The following MRC1 variants were observed in gnomAD, a reference collection of about 807,000 sequenced individuals.
The protein encoded by MRC1 is mannose receptor C-type 1.
MRC1 carries 62 observed loss-of-function variants against 102.9 expected under a neutral mutation model. The observed-to-expected ratio is 0.60, with a 90% CI of 0.49 to 0.74. The LOEUF is 0.74. MRC1 is among the 30% of genes least tolerant of loss of function. The pLI is 0.00. For missense variants in MRC1, 1,237 were observed against 862.8 expected (o/e 1.43, Z -5.43); for synonymous variants, 457 against 298.4 (o/e 1.53, Z -5.48).
At chr10:17,852,035 G>C (rs953706202) in intron 7 of MRC1, among the ~76,000 whole-genome samples, 8 of 152,314 alleles carry the variant, frequency 5.3e-5, no homozygotes, top group Non-Finnish European at 1.0e-4. Flanking sequence ...TCCCAGTCGT[G>C]TGAATTAGAT....
intron 3 of MRC1, among the ~76,000 whole-genome samples, chr10:17,830,185 G>T (rs1465463449): frequency 6.6e-6 from 1 of 151,316 alleles, no homozygotes; most frequent in Non-Finnish European, 1.5e-5. Context: ...AGACTGGAGT[G>T]CATTAGCATG....
intron 26 of MRC1, among the ~76,000 whole-genome samples, 177 bp from the exon 27 acceptor site, chr10:17,906,709 G>A (rs1015944506): frequency 2.6e-5 from 4 of 152,124 alleles, no homozygotes; most frequent in Admixed American, 6.5e-5. Context: ...GCTTAAAAAC[G>A]TATTTCAGAA....
At chr10:17,846,669 A>C (rs1166800590) in intron 6 of MRC1, among the ~76,000 whole-genome samples, 2 of 152,224 alleles carry the variant, frequency 1.3e-5, no homozygotes, top group East Asian at 3.8e-4. Context: ...TGTTTCATAC[A>C]AATGGCAGTA....
chr10:17,840,161 T>C (rs1838730089), intron 4 of MRC1, among the ~76,000 whole-genome samples: 1 of 151,818 alleles, frequency 6.6e-6, no homozygotes, highest in African/African-American at 2.4e-5. Flanking sequence ...GACTTCCACA[T>C]CAGTCCTAGA....
At chr10:17,813,791 G>A (rs1441125333) in intron 1 of MRC1, among the ~76,000 whole-genome samples, 3 of 150,538 alleles carry the variant, frequency 2.0e-5, no homozygotes, top group African/African-American at 7.3e-5. Flanking sequence ...TTGACTTCCC[G>A]GGGTCAAGTG....
intron 9 of MRC1, among the ~76,000 whole-genome samples, chr10:17,857,739 G>A (rs1480176576): frequency 2.6e-5 from 4 of 152,180 alleles, no homozygotes; most frequent in Admixed American, 1.3e-4. Context: ...AGATAATAAT[G>A]CAATTTTTTT....
intron 3 of MRC1, among the ~76,000 whole-genome samples, chr10:17,832,442 C>A (rs1838588981): frequency 6.7e-6 from 1 of 150,170 alleles, no homozygotes; most frequent in Non-Finnish European, 1.5e-5. Flanking sequence ...GTCGTCCCAG[C>A]TGCTGGGGAG....
chr10:17,818,161 T>G (rs1451908807), intron 1 of MRC1, among the ~76,000 whole-genome samples: 4 of 152,202 alleles, frequency 2.6e-5, no homozygotes, highest in Non-Finnish European at 5.9e-5. Context: ...AAATTGCTCT[T>G]CAGTAAAAAT....
intron 3 of MRC1, among the ~76,000 whole-genome samples, chr10:17,830,663 G>A (rs1359030585): frequency 1.3e-5 from 2 of 151,276 alleles, no homozygotes; most frequent in Non-Finnish European, 2.9e-5. Context: ...AGCATCAGTT[G>A]TGTTGGTTTA....
chr10:17,883,566 A>G (rs1291447213), intron 21 of MRC1, among the ~76,000 whole-genome samples: 1 of 152,150 alleles, frequency 6.6e-6, no homozygotes, highest in Non-Finnish European at 1.5e-5. Context: ...GCGTATAGCA[A>G]TGGAATTGCT....
At position 17,866,684 on chromosome 10, in the gene MRC1, C is replaced by T. The variant is rs534120422; in HGVS notation, c.1906C>T (p.Pro636Ser). The T allele has an allele frequency of 1.4e-5, 11 of 780,856 alleles. No homozygotes were observed. The highest frequency in any genetic ancestry group is 2.6e-5 in the Non-Finnish European group (11 of 417,966). 48.4% of individuals were successfully genotyped at this position (780,856 alleles called of 1,614,324 possible). A position where few individuals can be genotyped will look rare whatever the true frequency, so the allele number is the denominator to read the frequency against. ...KHWAEGVTHP[P>S]KPTTTPEPKC... ...CTGGGCAGAAGGAGTAACCCACCCA[C>T]CGAAGCCCACGACGACTCCCGAACC... The change falls in exon 12 of 30, where the codon CCG becomes TCG. Residue 636 changes from proline to serine, a missense_variant. Pro to Ser is a moderately conservative substitution (Grantham distance 74). Coordinates refer to ENST00000569591, the MANE Select transcript of MRC1 (RefSeq NM_002438.4).
chr10:17,863,735 T>C, intron 11 of MRC1, 53 bp downstream of exon 11: 1 of 767,500 alleles, frequency 1.3e-6, no homozygotes, highest in South Asian at 1.4e-5. Context: ...ATCTGTTAGA[T>C]AAAGTCTGTT....
intron 28 of MRC1, among the ~76,000 whole-genome samples, chr10:17,908,170 G>A (rs1051180637): frequency 6.6e-5 from 10 of 152,176 alleles, no homozygotes; most frequent in Non-Finnish European, 1.3e-4. Context: ...TGATAGTGTT[G>A]AATGCTCACA....
intron 3 of MRC1, 107 bp downstream of exon 3, chr10:17,827,822 T>G: frequency 1.3e-6 from 1 of 745,522 alleles, no homozygotes; most frequent in Non-Finnish European, 2.5e-6. Flanking sequence ...ATTTCACATT[T>G]ACGACCTCAT....
intron 7 of MRC1, among the ~76,000 whole-genome samples, chr10:17,852,515 GT>G (rs1838932139): frequency 6.6e-6 from 1 of 152,066 alleles, no homozygotes; most frequent in Non-Finnish European, 1.5e-5. Flanking sequence ...TAAAATTTTT[GT>G]TATTTGAAAA....
chr10:17,815,207 A>C (rs1170258349), intron 1 of MRC1, among the ~76,000 whole-genome samples: 2 of 152,156 alleles, frequency 1.3e-5, no homozygotes, highest in Non-Finnish European at 2.9e-5. Flanking sequence ...GGGGAAGTGG[A>C]AGCACAGAGT....
Position 17,902,046 on chromosome 10 carries a change from C to T in MRC1, c.3723C>T (p.Phe1241=). The T allele has an allele frequency of 1.3e-6, 1 of 780,824 alleles. No homozygotes were observed. The highest frequency in any genetic ancestry group is 2.4e-6 in the Non-Finnish European group (1 of 417,958). The allele number at this position is 780,824 out of a possible 1,614,324, so 48.4% of individuals were successfully genotyped here. A position where few individuals can be genotyped will look rare whatever the true frequency, so the allele number is the denominator to read the frequency against. The change falls in exon 26 of 30, where the codon TTC becomes TTT. Residue 1241 remains phenylalanine, a synonymous_variant. Transcript: ENST00000569591. ...PESDHTAWIP[F]HGHCYYIESS... ...CAGATCACACAGCATGGATTCCTTT[C>T]CATGGTCACTGTTACTATATTGAGT...
In MRC1 at chr10:17,900,871, A is replaced by G; in HGVS notation, c.3567A>G (p.Ala1189=). The change falls in exon 25 of 30, where the codon GCA becomes GCG. Residue 1189 remains alanine (A), a synonymous_variant. Transcript: ENST00000569591. ...CTGATGAGCCCAAATTGAAATCAGC[A>G]TGTGTTTATCTGGATCTTGATGGCT... The part of the protein sequence containing the change: ...WAADEPKLKS[A]CVYLDLDGYW... 5.1e-6 allele frequency: 4 copies of G among 780,836 alleles called. No individual in the cohort carries two copies. Among genetic ancestry groups the G allele is most frequent in the Non-Finnish European group, 9.6e-6 (4 of 417,952 alleles). 48.4% of individuals were successfully genotyped at this position (780,836 alleles called of 1,614,324 possible). A position where few individuals can be genotyped will look rare whatever the true frequency, so the allele number is the denominator to read the frequency against.
At chr10:17,839,642 C>T (rs1320996642) in intron 4 of MRC1, among the ~76,000 whole-genome samples, 1 of 151,612 alleles carries the variant, frequency 6.6e-6, no homozygotes, top group Non-Finnish European at 1.5e-5. Flanking sequence ...GACTCCATCT[C>T]TAAAAAATAA....
Sources: allele counts gnomAD v4.1 joint callset (sites outside exome capture counted in the v4.1 genomes callset), GRCh38; gene constraint gnomAD v4.1.1; transcripts MANE v1.5; gene names NCBI Gene and HGNC (gene_info 2026-07-23, HGNC 2026-07-21).